The following POLN variants were observed in gnomAD, a reference collection of about 807,000 sequenced individuals.
POLN encodes the protein DNA polymerase nu, also known as DNA polymerase N.
POLN carries 108 observed loss-of-function variants against 113.5 expected under a neutral mutation model. The ratio of observed to expected loss-of-function variants is 0.95; its 90% CI spans 0.81 to 1.12. POLN has a LOEUF of 1.12. Ranked by LOEUF, POLN falls within the 50% of genes most tolerant of loss-of-function variation. The pLI is 0.00. For missense variants in POLN, 1,097 were observed against 1,077.1 expected, an observed-to-expected ratio of 1.02 and a Z score of -0.26; for synonymous variants, 386 against 391.5, an observed-to-expected ratio of 0.99 and a Z score of 0.17.
rs3135059 is a variant in POLN at position 2,088,681 on chromosome 4, G to T, written c.2066-2937C>A. 1.2e-5 allele frequency: 10 copies of T among 860,152 alleles called. No homozygotes were observed. The African/African-American group carries it at 1.7e-4, about 15-fold the overall frequency. 53.3% of individuals were successfully genotyped at this position (860,152 alleles called of 1,614,324 possible). ...AGACTTTAATTAAAAATAAAAAGCT[G>T]TACAACAGCCATCAAGTTTTCTTTT... On this transcript the variant is annotated intron_variant, in intron 20 of 25. Coordinates refer to ENST00000511885, the MANE Select transcript of POLN (RefSeq NM_181808.4).
chr4:2,197,563 A>G (rs1733612037), intron 6 of POLN, among the ~76,000 whole-genome samples: 1 of 152,244 alleles, frequency 6.6e-6, no homozygotes, highest in Non-Finnish European at 1.5e-5. Context: ...CCAAGTGGAC[A>G]ATGTCAACTA....
intron 19 of POLN, among the ~76,000 whole-genome samples, chr4:2,125,027 T>C (rs888643984): frequency 1.3e-5 from 2 of 152,230 alleles, no homozygotes; most frequent in African/African-American, 4.8e-5. Context: ...GATTTCTTTC[T>C]AGGGTTATAT....
At chr4:2,090,573 A>T in intron 20 of POLN, 1 of 462,908 alleles carries the variant, frequency 2.2e-6, no homozygotes, top group South Asian at 2.6e-5. Context: ...CATCTTCAAG[A>T]TCTTCATCGC....
Position 2,208,028 on chromosome 4 carries a change from C to T in POLN, c.673G>A (p.Val225Met). ...LKQAAALVITVMYTDGSTQLG... is the reference protein window; with the variant it reads ...LKQAAALVITMMYTDGSTQLG... ...TGGGTGGAACCATCAGTATACATCA[C>T]AGTTATCACCAGGGCTGCTGCCTGT... The change falls in exon 5 of 26, where the codon GTG becomes ATG. Residue 225 changes from valine to methionine, a missense_variant. Transcript: ENST00000511885. The T allele has an allele frequency of 6.2e-7, 1 of 1,613,946 alleles. No homozygotes were observed. Among genetic ancestry groups the T allele is most frequent in the Non-Finnish European group, 8.5e-7 (1 of 1,179,966 alleles).
chr4:2,122,811 ACTC>A (rs1269127134), intron 19 of POLN, among the ~76,000 whole-genome samples: 3 of 152,122 alleles, frequency 2.0e-5, no homozygotes, highest in Non-Finnish European at 4.4e-5. Context: ...CAGCATGTCT[ACTC>A]CTAGGTATAC....
intron 20 of POLN, among the ~76,000 whole-genome samples, chr4:2,092,795 A>G (rs940711480): frequency 1.5e-4 from 23 of 152,256 alleles, no homozygotes; most frequent in African/African-American, 5.5e-4. Flanking sequence ...AAGCTCCTCT[A>G]TGGAGTTTCC....
intron 16 of POLN, among the ~76,000 whole-genome samples, chr4:2,145,002 G>C (rs957456064): frequency 4.6e-5 from 7 of 152,162 alleles, no homozygotes; most frequent in African/African-American, 1.4e-4. Flanking sequence ...CTATGCATTT[G>C]TCAAAATTCA....
At chr4:2,212,222 C>T (rs930198165) in intron 4 of POLN, among the ~76,000 whole-genome samples, 8 of 152,320 alleles carry the variant, frequency 5.3e-5, no homozygotes, top group South Asian at 2.1e-4. Flanking sequence ...CTCTCTGGCC[C>T]ACACCACATA....
chr4:2,196,503 G>A (rs953071937), intron 6 of POLN, among the ~76,000 whole-genome samples: 1 of 152,142 alleles, frequency 6.6e-6, no homozygotes, highest in African/African-American at 2.4e-5. Context: ...GAAAAAACTA[G>A]GGACATGGCC....
chr4:2,190,495 A>T (rs1733413052), intron 7 of POLN, among the ~76,000 whole-genome samples: 2 of 151,796 alleles, frequency 1.3e-5, no homozygotes, highest in African/African-American at 4.9e-5. Flanking sequence ...TTTTTACTAC[A>T]ACTTCAAAAG....
At chr4:2,110,586 C>G (rs1436953259) in intron 19 of POLN, among the ~76,000 whole-genome samples, 1 of 152,174 alleles carries the variant, frequency 6.6e-6, no homozygotes, top group Non-Finnish European at 1.5e-5. Flanking sequence ...GAAATACAAA[C>G]TACCATCAGA....
chr4:2,242,026 C>A, intron 1 of POLN, 25 bp downstream of exon 1: 1 of 985,596 alleles, frequency 1.0e-6, no homozygotes, highest in Non-Finnish European at 1.2e-6. Context: ...CCCCTGCGCC[C>A]AGAACCGAGG....
chr4:2,231,896 C>T (rs768466557), intron 2 of POLN: 3 of 910,786 alleles, frequency 3.3e-6, no homozygotes, highest in Non-Finnish European at 5.2e-6. Flanking sequence ...TAAAAGAGGA[C>T]ACGTAATAAA....
Position 2,128,196 on chromosome 4 carries a change from T to C in POLN, c.1899A>G (p.Thr633=). The C allele has an allele frequency of 2.5e-6, 4 of 1,611,416 alleles. No homozygotes were observed. Among genetic ancestry groups the C allele is most frequent in the Non-Finnish European group, 3.4e-6 (4 of 1,177,752 alleles). The stretch of plus-strand genomic sequence containing the variant: ...GAAGTTCCGGATCTCCAGATAAATG[T>C]GTAAGAATGCGCAATTCAATCTGTG... ...DFSQIELRIL[T]HLSGDPELLK... Residue 633 remains threonine (T), a synonymous_variant, in exon 19 of 26, where the codon ACA becomes ACG. Coordinates refer to ENST00000511885, the MANE Select transcript of POLN (RefSeq NM_181808.4).
At chr4:2,183,888 C>CTTTTTT (rs34321496) in intron 7 of POLN, among the ~76,000 whole-genome samples, 1 of 147,176 alleles carries the variant, frequency 6.8e-6, no homozygotes. Flanking sequence ...TTCTTTTTTT[C>CTTTTTT]TTTTTTTTTT....
At chr4:2,189,769 G>A (rs1417975156) in intron 7 of POLN, among the ~76,000 whole-genome samples, 4 of 151,574 alleles carry the variant, frequency 2.6e-5, no homozygotes, top group African/African-American at 4.8e-5. Flanking sequence ...GGTGGCTCAC[G>A]CCTGTAATCC....
intron 21 of POLN, chr4:2,082,747 T>C (rs1035368346): frequency 6.6e-6 from 1 of 152,248 alleles, no homozygotes. Context: ...GATCTTCTGC[T>C]CTGACTTGGT....
intron 6 of POLN, among the ~76,000 whole-genome samples, chr4:2,197,820 C>T (rs1733619081): frequency 6.6e-6 from 1 of 152,212 alleles, no homozygotes; most frequent in Non-Finnish European, 1.5e-5. Flanking sequence ...TCCTCCGGAG[C>T]TGCCTTGATT....
intron 5 of POLN, among the ~76,000 whole-genome samples, chr4:2,206,094 C>T (rs530190322): frequency 1.3e-5 from 2 of 152,050 alleles, no homozygotes; most frequent in East Asian, 1.9e-4. Flanking sequence ...AGAAATAAAC[C>T]CAAATACTTA....
Sources: allele counts gnomAD v4.1 joint callset (sites outside exome capture counted in the v4.1 genomes callset), GRCh38; gene constraint gnomAD v4.1.1; transcripts MANE v1.5; gene names NCBI Gene and HGNC (gene_info 2026-07-23, HGNC 2026-07-21).